The following CPEB3 variants were observed in gnomAD, a reference collection of about 807,000 sequenced individuals.
The protein encoded by CPEB3 is cytoplasmic polyadenylation element-binding protein 3.
In CPEB3, 20 loss-of-function variants were observed where a neutral mutation model predicts 67.2. That is an observed-to-expected ratio of 0.30 (90% CI 0.21 to 0.43). The LOEUF (loss-of-function observed/expected upper bound fraction) is 0.43. Among genes scored for constraint, CPEB3 ranks in the 20% least tolerant of loss-of-function variants. The pLI is 1.00. For missense variants in CPEB3, 746 were observed against 968.6 expected (o/e 0.77, Z 3.05); for synonymous variants, 376 against 393.1 (o/e 0.96, Z 0.51).
At chr10:92,095,963 C>A (rs988301525) in intron 7 of CPEB3, among the ~76,000 whole-genome samples, 5 of 151,730 alleles carry the variant, frequency 3.3e-5, no homozygotes, top group African/African-American at 4.8e-5. Context: ...GAAACCTCCA[C>A]CTCCCAGGTT....
intron 7 of CPEB3, among the ~76,000 whole-genome samples, chr10:92,100,441 T>C (rs1044445239): frequency 1.3e-5 from 2 of 150,870 alleles, no homozygotes; most frequent in African/African-American, 4.9e-5. Context: ...GCCCCACTAA[T>C]TTTTTTGTAT....
At chr10:92,113,637 C>G (rs1478397241) in intron 6 of CPEB3, among the ~76,000 whole-genome samples, 3 of 152,210 alleles carry the variant, frequency 2.0e-5, no homozygotes, top group Non-Finnish European at 4.4e-5. Context: ...TATTCCTTGC[C>G]TCAAGAAGGC....
intron 3 of CPEB3, among the ~76,000 whole-genome samples, chr10:92,191,603 G>T (rs1297259192): frequency 1.3e-5 from 2 of 151,964 alleles, no homozygotes; most frequent in East Asian, 3.9e-4. Flanking sequence ...CTATAATATG[G>T]GCCTAGAGAG....
At chr10:92,125,704 T>A (rs1403648723) in intron 6 of CPEB3, among the ~76,000 whole-genome samples, 1 of 151,880 alleles carries the variant, frequency 6.6e-6, no homozygotes, top group African/African-American at 2.4e-5. Flanking sequence ...CATTCACAGC[T>A]ACATGCTAAA....
At chr10:92,224,301 T>C (rs1461097645) in intron 2 of CPEB3, among the ~76,000 whole-genome samples, 13 of 152,166 alleles carry the variant, frequency 8.5e-5, no homozygotes, top group Non-Finnish European at 5.9e-5. Context: ...AGAGTAATCA[T>C]TCTAAAACAA....
chr10:92,287,010 G>A lies in CPEB3; in HGVS notation c.-12+3916C>T, dbSNP rs371025985. On this transcript the variant is annotated intron_variant, in intron 1 of 9. Coordinates refer to ENST00000265997, the MANE Select transcript of CPEB3 (RefSeq NM_014912.5). ...AGCTTTGTTCTTGTCCTCTGAACTTGGGAGAATCTTTAAATATTTTCTGTA... is the reference window on the plus strand; with the variant it reads ...AGCTTTGTTCTTGTCCTCTGAACTTAGGAGAATCTTTAAATATTTTCTGTA... 7.2e-4 allele frequency among the ~76,000 whole-genome samples: 109 copies of A among 152,208 alleles called. 1 individual carries two copies. The highest frequency in any genetic ancestry group is 6.6e-3 in the South Asian group (32 of 4,824).
chr10:92,185,627 G>C (rs1406920713), intron 3 of CPEB3, among the ~76,000 whole-genome samples: 1 of 152,112 alleles, frequency 6.6e-6, no homozygotes, highest in Non-Finnish European at 1.5e-5. Flanking sequence ...TTATGAGATA[G>C]GGAACAACTG....
chr10:92,250,405 T>G (rs949970803), intron 1 of CPEB3, among the ~76,000 whole-genome samples: 1 of 151,930 alleles, frequency 6.6e-6, no homozygotes, highest in African/African-American at 2.4e-5. Context: ...AAAAAAAAAA[T>G]TTAAAAGTTT....
chr10:92,241,942 TTCTCA>T (rs1851868503), intron 1 of CPEB3, among the ~76,000 whole-genome samples: 1 of 152,200 alleles, frequency 6.6e-6, no homozygotes, highest in East Asian at 1.9e-4. Flanking sequence ...AGAGGAATCT[TTCTCA>T]GGACACTTGT....
intron 6 of CPEB3, among the ~76,000 whole-genome samples, chr10:92,119,510 C>T (rs540507070): frequency 6.6e-6 from 1 of 152,258 alleles, no homozygotes; most frequent in South Asian, 2.1e-4. Context: ...AGAAACAATA[C>T]CAGCTCTGTG....
At chr10:92,126,340 G>A (rs1027685535) in intron 6 of CPEB3, among the ~76,000 whole-genome samples, 4 of 152,104 alleles carry the variant, frequency 2.6e-5, no homozygotes, top group Non-Finnish European at 4.4e-5. Context: ...ATTTGAGGTA[G>A]CACAAAAGAA....
chr10:92,092,645 T>A (rs1490679726), intron 7 of CPEB3, among the ~76,000 whole-genome samples: 4 of 152,134 alleles, frequency 2.6e-5, no homozygotes, highest in Admixed American at 6.5e-5. Context: ...CTGGGTGTAG[T>A]GGCTCACGCC....
chr10:92,137,264 C>G, intron 6 of CPEB3: 1 of 607,408 alleles, frequency 1.6e-6, no homozygotes, highest in Non-Finnish European at 3.0e-6. Context: ...ATTGGGGGCA[C>G]CAACGTGCAT....
intron 4 of CPEB3, among the ~76,000 whole-genome samples, chr10:92,157,964 G>A (rs571895960): frequency 6.6e-6 from 1 of 150,772 alleles, no homozygotes; most frequent in Non-Finnish European, 1.5e-5. Flanking sequence ...ACACACACAG[G>A]TATAAATACA....
intron 6 of CPEB3, among the ~76,000 whole-genome samples, chr10:92,115,328 A>G (rs1844964669): frequency 6.6e-6 from 1 of 152,188 alleles, no homozygotes; most frequent in African/African-American, 2.4e-5. Flanking sequence ...TAATTTTTGT[A>G]TTCCCAGTAG....
chr10:92,053,126 A>G (rs1200080745), intron 9 of CPEB3, among the ~76,000 whole-genome samples: 1 of 152,212 alleles, frequency 6.6e-6, no homozygotes, highest in African/African-American at 2.4e-5. Context: ...AGAAGCTACT[A>G]TAATAATTGG....
In CPEB3 at chr10:92,092,069, G is replaced by A; in HGVS notation, c.1573-125C>T. On this transcript the variant is annotated intron_variant, in intron 7 of 9. Coordinates refer to ENST00000265997, the MANE Select transcript of CPEB3 (RefSeq NM_014912.5). ...ATGAACATGACCCAAACAAAATCCA[G>A]TTAATTAGTTAACGTAATCTGCATT... 9 of 673,746 alleles carry A rather than the reference G, an allele frequency of 1.3e-5. No individual in the cohort carries two copies. The South Asian group carries it at 1.5e-4, about 11-fold the overall frequency. 41.7% of individuals were successfully genotyped at this position (673,746 alleles called of 1,614,324 possible). A position where few individuals can be genotyped will look rare whatever the true frequency, so the allele number is the denominator to read the frequency against.
intron 1 of CPEB3, among the ~76,000 whole-genome samples, chr10:92,277,992 G>A (rs567911800): frequency 3.9e-4 from 59 of 151,958 alleles, no homozygotes; most frequent in African/African-American, 1.4e-3. Context: ...AGACCAGCCT[G>A]GCCAAGATGG....
At chr10:92,086,251 G>A (rs1039025908) in intron 8 of CPEB3, among the ~76,000 whole-genome samples, 6 of 152,232 alleles carry the variant, frequency 3.9e-5, no homozygotes, top group African/African-American at 1.4e-4. Flanking sequence ...ACTTCTGAAA[G>A]AAAGGAAGAT....
Sources: gnomAD v4.1 joint callset for allele counts (sites outside exome capture counted in the v4.1 genomes callset) on GRCh38, gnomAD v4.1.1 for gene constraint, MANE v1.5 for transcripts, NCBI Gene and HGNC (gene_info 2026-07-23, HGNC 2026-07-21) for gene names.